GALNT18: variants seen among roughly 807,000 people sequenced by gnomAD.
GALNT18 encodes polypeptide N-acetylgalactosaminyltransferase 18.
Under a neutral mutation model 69.5 loss-of-function variants are expected in GALNT18, and 44 were observed. That is an observed-to-expected ratio of 0.63 (90% CI 0.50 to 0.81). The LOEUF is 0.81. GALNT18 is among the 40% of genes least tolerant of loss of function. The probability of loss-of-function intolerance (pLI) is 0.00; values close to 1 mark genes in which losing one functional copy is unlikely to be tolerated. For synonymous variants in GALNT18, 364 were observed against 318.2 expected (o/e 1.14, Z -1.53); for missense variants, 715 against 810.0 (o/e 0.88, Z 1.42).
intron 6 of GALNT18, chr11:11,352,122 C>G (rs760984627): frequency 6.2e-7 from 1 of 1,613,444 alleles, no homozygotes; most frequent in Non-Finnish European, 8.5e-7. Flanking sequence ...TGAACCCATT[C>G]GAGCCTGGTC....
At chr11:11,363,734 C>T (rs999831520) in intron 6 of GALNT18, among the ~76,000 whole-genome samples, 3 of 152,246 alleles carry the variant, frequency 2.0e-5, no homozygotes, top group African/African-American at 4.8e-5. Flanking sequence ...CATGGACCAA[C>T]CCAGTAGCAA....
At chr11:11,437,212 A>G (rs1029188372) in intron 2 of GALNT18, among the ~76,000 whole-genome samples, 14 of 152,234 alleles carry the variant, frequency 9.2e-5, no homozygotes, top group African/African-American at 3.4e-4. Flanking sequence ...TCACAACTGC[A>G]CGAGACCGAG....
At chr11:11,412,549 C>CCACA (rs1186486376) in intron 3 of GALNT18, among the ~76,000 whole-genome samples, 1 of 152,226 alleles carries the variant, frequency 6.6e-6, no homozygotes, top group Non-Finnish European at 1.5e-5. Context: ...GGTGCTCAAA[C>CCACA]CACAGTCTTG....
At chr11:11,566,305 G>A (rs1048903301) in intron 1 of GALNT18, among the ~76,000 whole-genome samples, 1 of 152,196 alleles carries the variant, frequency 6.6e-6, no homozygotes, top group African/African-American at 2.4e-5. Flanking sequence ...GTAAATCAAT[G>A]AGTGGGACTG....
At chr11:11,504,865 T>C (rs1233765682) in intron 1 of GALNT18, among the ~76,000 whole-genome samples, 2 of 152,190 alleles carry the variant, frequency 1.3e-5, no homozygotes, top group African/African-American at 2.4e-5. Context: ...GCATTCTGTT[T>C]GCCTTGGATG....
Position 11,293,096 on chromosome 11 carries a change from C to T in GALNT18, c.1610G>A (p.Arg537Gln), listed in dbSNP as rs755509275. ...DNRCLVDVNS[R>Q]PRLIECSYAK... The stretch of plus-strand genomic sequence containing the variant: ...GTAGCTGCATTCGATGAGCCGGGGC[C>T]GGCTGTTGACGTCCACCAGGCATCG... Residue 537 changes from arginine (R) to glutamine (Q), a missense_variant, in exon 10 of 11, where the codon CGG becomes CAG. Arg to Gln is a conservative substitution (Grantham distance 43). Coordinates refer to ENST00000227756, the MANE Select transcript of GALNT18 (RefSeq NM_198516.3). The T allele has an allele frequency of 1.3e-5, 18 of 1,379,256 alleles. No homozygotes were observed. In the South Asian group the frequency reaches 1.4e-4, roughly 11 times the overall value. The allele number at this position is 1,379,256 out of a possible 1,614,324, so 85.4% of individuals were successfully genotyped here. A position where few individuals can be genotyped will look rare whatever the true frequency, so the allele number is the denominator to read the frequency against.
chr11:11,271,449 A>G (rs1848826000), intron 10 of GALNT18, among the ~76,000 whole-genome samples, 159 bp from the exon 11 acceptor site: 1 of 152,126 alleles, frequency 6.6e-6, no homozygotes, highest in Non-Finnish European at 1.5e-5. Flanking sequence ...CCTATCACTC[A>G]TATATTAGTC....
At chr11:11,460,948 G>C (rs151060612) in intron 1 of GALNT18, among the ~76,000 whole-genome samples, 1 of 152,202 alleles carries the variant, frequency 6.6e-6, no homozygotes, top group African/African-American at 2.4e-5. Flanking sequence ...AAGACAGCCA[G>C]GGATACAGGA....
Position 11,341,379 on chromosome 11 carries a change from T to G in GALNT18, c.1093-375A>C, listed in dbSNP as rs1015009839. Among the ~76,000 whole-genome samples, 2 of 152,128 alleles carry G rather than the reference T, an allele frequency of 1.3e-5. No individual in the cohort carries two copies. The highest frequency in any genetic ancestry group is 2.9e-5 in the Non-Finnish European group (2 of 68,016). On this transcript the variant is annotated intron_variant, in intron 6 of 10. Coordinates refer to ENST00000227756, the MANE Select transcript of GALNT18 (RefSeq NM_198516.3). The surrounding 1 kb of genome is among the most constrained non-coding windows in gnomAD (Gnocchi z 6.3). ...AACCCTTGATGATAGTCTGCAGCAG[T>G]GGTTGACATAAAGGAGAACCAGCAA...
intron 3 of GALNT18, among the ~76,000 whole-genome samples, chr11:11,390,422 C>T (rs1854159559): frequency 6.6e-6 from 1 of 152,184 alleles, no homozygotes; most frequent in Non-Finnish European, 1.5e-5. Context: ...AGAAAACATA[C>T]ACCAGGCAAC....
At position 11,421,925 on chromosome 11, in the gene GALNT18, T is replaced by C. The variant is rs1039172762; in HGVS notation, c.595+10696A>G. Among the ~76,000 whole-genome samples the C allele has an allele frequency of 6.6e-6, 1 of 152,208 alleles. No individual in the cohort carries two copies. Among genetic ancestry groups the C allele is most frequent in the African/African-American group, 2.4e-5 (1 of 41,448 alleles). Reference sequence around the variant, plus strand: ...CACAGACTTTATTTTAGCCCCTACGTGCCCCTGGCCTGGGTGCCCTGGCAT... The same window carrying C: ...CACAGACTTTATTTTAGCCCCTACGCGCCCCTGGCCTGGGTGCCCTGGCAT... On this transcript the variant is annotated intron_variant, in intron 3 of 10. Transcript: ENST00000227756. The surrounding 1 kb of genome is among the most constrained non-coding windows in gnomAD (Gnocchi z 5.6).
rs950955326 is a variant in GALNT18, at chr11:11,449,000, C to G, written c.236-64G>C. ...CACCCCTGCATGTGCCATGACAATCCCTTTCCCTTCCTCACAAACAGCCTT... is the reference window on the plus strand; with the variant it reads ...CACCCCTGCATGTGCCATGACAATCGCTTTCCCTTCCTCACAAACAGCCTT... On this transcript the variant is annotated intron_variant, in intron 1 of 10. Transcript: ENST00000227756. 2.3e-6 allele frequency: 3 copies of G among 1,280,838 alleles called. No homozygotes were observed. The African/African-American group carries it at 4.5e-5, about 19-fold the overall frequency. 79.3% of individuals were successfully genotyped at this position (1,280,838 alleles called of 1,614,324 possible). A position where few individuals can be genotyped will look rare whatever the true frequency, so the allele number is the denominator to read the frequency against.
chr11:11,444,457 G>A lies in GALNT18; in HGVS notation c.428+4287C>T, dbSNP rs576424063. ...AAACTCCAGGAGATATCCGTCCGACGCTTTGTTGGGTGCCGGGCACATCAT... is the reference window on the plus strand; with the variant it reads ...AAACTCCAGGAGATATCCGTCCGACACTTTGTTGGGTGCCGGGCACATCAT... On this transcript the variant is annotated intron_variant, in intron 2 of 10. Transcript: ENST00000227756. This position sits in a 1 kb window ranked among gnomAD's most constrained non-coding sequence, Gnocchi z 4.4. 6.6e-6 allele frequency among the ~76,000 whole-genome samples: 1 copy of A among 152,324 alleles called. No homozygotes were observed. The highest frequency in any genetic ancestry group is 2.4e-5 in the African/African-American group (1 of 41,578).
rs1856228607 is a variant in GALNT18 at position 11,469,587 on chromosome 11, G to C, written c.236-20651C>G. On this transcript the variant is annotated intron_variant, in intron 1 of 10. Coordinates refer to ENST00000227756, the MANE Select transcript of GALNT18 (RefSeq NM_198516.3). This position sits in a 1 kb window ranked among gnomAD's most constrained non-coding sequence, Gnocchi z 4.2. ...CTTGTTTTCAGTTTGATCCATGAGGGCCATTTAGGGCTGCTCACATAGGCT... is the reference window on the plus strand; with the variant it reads ...CTTGTTTTCAGTTTGATCCATGAGGCCCATTTAGGGCTGCTCACATAGGCT... 6.6e-6 allele frequency among the ~76,000 whole-genome samples: 1 copy of C among 152,168 alleles called. No homozygotes were observed. The highest frequency in any genetic ancestry group is 1.5e-5 in the Non-Finnish European group (1 of 68,028).
intron 1 of GALNT18, among the ~76,000 whole-genome samples, chr11:11,560,615 C>T (rs1006608712): frequency 6.6e-6 from 1 of 152,202 alleles, no homozygotes. Context: ...GCTCTAGACA[C>T]AGCCCCTCTG....
intron 6 of GALNT18, among the ~76,000 whole-genome samples, chr11:11,349,904 C>T (rs1425406902): frequency 3.3e-5 from 5 of 152,116 alleles, no homozygotes; most frequent in Non-Finnish European, 7.4e-5. Flanking sequence ...TCAACACTTC[C>T]GAAGAGTCCT....
At position 11,621,614 on chromosome 11, in the gene GALNT18, T is replaced by C. The variant is rs749431726; in HGVS notation, c.-21A>G. 5.2e-6 allele frequency: 8 copies of C among 1,540,790 alleles called. No homozygotes were observed. Among genetic ancestry groups the C allele is most frequent in the Middle Eastern group, 1.7e-4 (1 of 5,876 alleles). On this transcript the variant is annotated 5_prime_UTR_variant, in exon 1 of 11. Coordinates refer to ENST00000227756, the MANE Select transcript of GALNT18 (RefSeq NM_198516.3). The surrounding 1 kb of genome is among the most constrained non-coding windows in gnomAD (Gnocchi z 9.3). Reference sequence around the variant, plus strand: ...ACCATTCTGGGCTCCTTCCTCCATATAGAGCTCCCGGGGGCCCTTCCTTGT... The same window carrying C: ...ACCATTCTGGGCTCCTTCCTCCATACAGAGCTCCCGGGGGCCCTTCCTTGT...
chr11:11,498,689 C>T (rs770282557), intron 1 of GALNT18, among the ~76,000 whole-genome samples: 6 of 152,178 alleles, frequency 3.9e-5, no homozygotes, highest in Non-Finnish European at 5.9e-5. Context: ...GTCCCAGCTA[C>T]TGGGGAGGCT....
chr11:11,603,766 G>A lies in GALNT18; in HGVS notation c.235+17593C>T, dbSNP rs761925941. ...TAAGGTCTCCCAAGAGGGGAAAAGG[G>A]GGACAGAAATTACTGAAATCAGAGT... On this transcript the variant is annotated intron_variant, in intron 1 of 10. Coordinates refer to ENST00000227756, the MANE Select transcript of GALNT18 (RefSeq NM_198516.3). This position sits in a 1 kb window ranked among gnomAD's most constrained non-coding sequence, Gnocchi z 4.5. Among the ~76,000 whole-genome samples, 1 of 152,156 alleles carries A rather than the reference G, an allele frequency of 6.6e-6. No individual in the cohort carries two copies. Among genetic ancestry groups the A allele is most frequent in the Non-Finnish European group, 1.5e-5 (1 of 68,042 alleles).
Sources: allele counts gnomAD v4.1 joint callset (sites outside exome capture counted in the v4.1 genomes callset), GRCh38; gene constraint gnomAD v4.1.1; non-coding constraint Gnocchi (gnomAD v3.1); transcripts MANE v1.5; gene names NCBI Gene and HGNC (gene_info 2026-07-23, HGNC 2026-07-21).